RRP12: variants seen among roughly 807,000 people sequenced by gnomAD.
RRP12 encodes ribosomal RNA processing 12 homolog.
In RRP12, 78 loss-of-function variants were observed where a neutral mutation model predicts 157.3. The observed-to-expected ratio is 0.50, with a 90% CI of 0.41 to 0.60. The LOEUF is 0.60. Among genes scored for constraint, RRP12 ranks in the 20% least tolerant of loss-of-function variants. RRP12 has a pLI of 0.00. For synonymous variants in RRP12, 726 were observed against 670.9 expected, an observed-to-expected ratio of 1.08 and a Z score of -1.27; for missense variants, 1,521 against 1,679.9, an observed-to-expected ratio of 0.91 and a Z score of 1.65.
chr10:97,384,564 A>G (rs11189183), intron 10 of RRP12, among the ~76,000 whole-genome samples: 56,255 of 145,040 alleles, frequency 0.39, 11,051 homozygotes, highest in African/African-American at 0.51. Flanking sequence ...CCCCAACCTC[A>G]GCTGCCTGGA....
intron 13 of RRP12, 104 bp from the exon 14 acceptor site, chr10:97,379,874 A>T (rs1844419039): frequency 1.8e-6 from 2 of 1,140,636 alleles, no homozygotes; most frequent in Non-Finnish European, 2.4e-6. Flanking sequence ...CCTGGGTTCA[A>T]CGCTACACCA....
intron 31 of RRP12, among the ~76,000 whole-genome samples, chr10:97,359,884 C>A (rs11189162): frequency 0.042 from 6,322 of 152,292 alleles, 215 homozygotes; most frequent in Non-Finnish European, 0.062. Context: ...TGTGCAGCTG[C>A]GTTATGATGC....
At chr10:97,371,712 G>C in intron 20 of RRP12, 1 of 215,126 alleles carries the variant, frequency 4.6e-6, no homozygotes, top group East Asian at 1.0e-4. Context: ...TGTTATATCA[G>C]GGAGGCTTAA....
chr10:97,401,178 C>G lies in RRP12; in HGVS notation c.54G>C (p.Trp18Cys). The change falls in exon 1 of 34, where the codon TGG (tryptophan) becomes TGC (cysteine). Residue 18 changes from tryptophan to cysteine, a missense_variant. Coordinates refer to ENST00000370992, the MANE Select transcript of RRP12 (RefSeq NM_015179.4). ...TGCTGTCGCTGCTGTGGCCTTTCTT[C>G]CAGCGCTTCAACTTAGCTGAGACAC... ...PSGVSAKLKRWKKGHSSDSNP... is the reference protein window; with the variant it reads ...PSGVSAKLKRCKKGHSSDSNP... The G allele has an allele frequency of 6.2e-7, 1 of 1,614,164 alleles. No homozygotes were observed. Among genetic ancestry groups the G allele is most frequent in the Non-Finnish European group, 8.5e-7 (1 of 1,180,028 alleles).
At chr10:97,379,833 C>A in intron 13 of RRP12, 63 bp from the exon 14 acceptor site, 1 of 1,511,544 alleles carries the variant, frequency 6.6e-7, no homozygotes, top group Non-Finnish European at 8.9e-7. Context: ...CATGACAAGA[C>A]CCCGCTGAAC....
At chr10:97,363,132 G>A (rs1296995759) in intron 30 of RRP12, among the ~76,000 whole-genome samples, 2 of 152,184 alleles carry the variant, frequency 1.3e-5, no homozygotes, top group Admixed American at 6.5e-5. Context: ...TGTCACCTAC[G>A]GGTGGTGCCC....
intron 25 of RRP12, 163 bp from the exon 26 acceptor site, chr10:97,367,295 G>A: frequency 8.0e-6 from 5 of 627,410 alleles, no homozygotes; most frequent in Non-Finnish European, 1.4e-5. Context: ...GCTTCCCTCG[G>A]GTGGGCAGGC....
chr10:97,366,819 T>C lies in RRP12; in HGVS notation c.3138A>G (p.Arg1046=). The C allele has an allele frequency of 2.5e-6, 4 of 1,614,204 alleles. No individual in the cohort carries two copies. The South Asian group carries it at 4.4e-5, about 18-fold the overall frequency. The change falls in exon 27 of 34, where the codon CGA becomes CGG. Residue 1046 remains arginine (R), a synonymous_variant. Transcript: ENST00000370992. ...RKAEARAKRH[R]ALSQAAVEEE... is the part of the protein sequence containing the mutation. ...CCTCCACGGCAGCCTGGCTCAGGGCTCGGTGCCTCTTGGCCCGGGCCTCAG... is the reference window on the plus strand; with the variant it reads ...CCTCCACGGCAGCCTGGCTCAGGGCCCGGTGCCTCTTGGCCCGGGCCTCAG...
chr10:97,370,410 C>A, intron 23 of RRP12, 45 bp downstream of exon 23: 4 of 1,394,814 alleles, frequency 2.9e-6, no homozygotes, highest in Non-Finnish European at 4.0e-6. Context: ...TTCCCCCCAC[C>A]CAGTCTATGA....
At chr10:97,385,831 C>A in intron 9 of RRP12, 64 bp downstream of exon 9, 1 of 1,229,724 alleles carries the variant, frequency 8.1e-7, no homozygotes, top group Non-Finnish European at 1.2e-6. Flanking sequence ...CCAGTGCCCC[C>A]AGCACAGCCT....
rs1843906404 is a variant in RRP12, at chr10:97,363,903, C to T, written c.3518G>A (p.Gly1173Asp). Reference sequence around the variant, plus strand: ...TGGGTCAGCCATCTCTTCATCTTCGCCTGGAGCCAAAAAAGAGAGGCCCAT... The same window carrying T: ...TGGGTCAGCCATCTCTTCATCTTCGTCTGGAGCCAAAAAAGAGAGGCCCAT... ...NKMEEEEGAK[G>D]EDEEMADPME... Residue 1173 changes from glycine (G) to aspartate (D), a missense_variant and splice_region_variant, in exon 30 of 34, where the codon GGC (glycine) becomes GAC (aspartate). Gly to Asp is a moderately conservative substitution (Grantham distance 94). Coordinates refer to ENST00000370992, the MANE Select transcript of RRP12 (RefSeq NM_015179.4). 1 of 1,613,852 alleles carries T rather than the reference C, an allele frequency of 6.2e-7. No individual in the cohort carries two copies. The highest frequency in any genetic ancestry group is 1.3e-5 in the African/African-American group (1 of 74,904).
At chr10:97,357,846 C>T (rs2134990777) in intron 33 of RRP12, among the ~76,000 whole-genome samples, 1 of 151,964 alleles carries the variant, frequency 6.6e-6, no homozygotes, top group Non-Finnish European at 1.5e-5. Flanking sequence ...GTAGTCCCAG[C>T]TACTCCGGAG....
Position 97,393,566 on chromosome 10 carries a change from T to C in RRP12, c.530+118A>G, listed in dbSNP as rs376256987. 482 of 846,414 alleles carry C rather than the reference T, an allele frequency of 5.7e-4. 6 individuals carry two copies. The South Asian group carries it at 6.8e-3, about 12-fold the overall frequency. 52.4% of individuals were successfully genotyped at this position (846,414 alleles called of 1,614,324 possible). A position where few individuals can be genotyped will look rare whatever the true frequency, so the allele number is the denominator to read the frequency against. On this transcript the variant is annotated intron_variant, in intron 4 of 33. Transcript: ENST00000370992. The stretch of plus-strand genomic sequence containing the variant: ...GCCCATTCTGCATGCCTCTAGACAA[T>C]GTTCATGAAGAGCAAGTATCTTTTT...
chr10:97,373,536 T>A (rs753970375), intron 17 of RRP12, 39 bp downstream of exon 17: 1 of 1,549,354 alleles, frequency 6.5e-7, no homozygotes. Flanking sequence ...GGGACCTGTG[T>A]CATCCTCCCC....
At chr10:97,370,040 G>A in intron 24 of RRP12, 127 bp downstream of exon 24, 1 of 678,850 alleles carries the variant, frequency 1.5e-6, no homozygotes, top group Non-Finnish European at 2.5e-6. Flanking sequence ...GGCAAACTGG[G>A]CTGGGTGTGG....
intron 15 of RRP12, among the ~76,000 whole-genome samples, chr10:97,376,212 CTTTTTTTTTT>C (rs771016888): frequency 1.9e-5 from 2 of 107,536 alleles, no homozygotes; most frequent in South Asian, 3.3e-4. Flanking sequence ...CTTTTACTTT[CTTTTTTTTTT>C]TTTTTTTTTT....
chr10:97,379,790 C>T lies in RRP12; in HGVS notation c.1534-20G>A. ...GAGGCACTGCAGCAGAGATGAGTGACCACACATCAAGACATGCTCGAAAGC... is the reference window on the plus strand; with the variant it reads ...GAGGCACTGCAGCAGAGATGAGTGATCACACATCAAGACATGCTCGAAAGC... On this transcript the variant is annotated intron_variant, in intron 13 of 33. Coordinates refer to ENST00000370992, the MANE Select transcript of RRP12 (RefSeq NM_015179.4). 1 of 1,589,764 alleles carries T rather than the reference C, an allele frequency of 6.3e-7. No individual in the cohort carries two copies. The highest frequency in any genetic ancestry group is 2.0e-4 in the Middle Eastern group (1 of 5,024).
intron 15 of RRP12, among the ~76,000 whole-genome samples, chr10:97,377,099 C>G (rs1844330536): frequency 6.6e-6 from 1 of 151,340 alleles, no homozygotes; most frequent in African/African-American, 2.4e-5. Context: ...AGGCTGGTCT[C>G]AAGCTCCTGA....
rs765847155 is a variant in RRP12 at position 97,379,373 on chromosome 10, A to G, written c.1718T>C (p.Ile573Thr). 1.9e-5 allele frequency: 31 copies of G among 1,614,044 alleles called. No homozygotes were observed. Among genetic ancestry groups the G allele is most frequent in the Admixed American group, 5.0e-5 (3 of 60,008 alleles). The stretch of plus-strand genomic sequence containing the variant: ...TCGCGTTTCCTGAACATGGTCTCGG[A>G]TGACAGGCAGCAGCCAGCTCCGTGG... ...DFPRSWLLPV[I>T]RDHVQETRLG... The change falls in exon 15 of 34, where the codon ATC becomes ACC. Residue 573 changes from isoleucine (I) to threonine (T), a missense_variant. Coordinates refer to ENST00000370992, the MANE Select transcript of RRP12 (RefSeq NM_015179.4).
Sources: allele counts gnomAD v4.1 joint callset (sites outside exome capture counted in the v4.1 genomes callset), GRCh38; gene constraint gnomAD v4.1.1; transcripts MANE v1.5; gene names NCBI Gene and HGNC (gene_info 2026-07-23, HGNC 2026-07-21).